GNA14: variants seen among roughly 807,000 people sequenced by gnomAD.
GNA14 encodes the protein G protein subunit alpha 14, also known as guanine nucleotide-binding protein subunit alpha-14.
Under a neutral mutation model 42.0 loss-of-function variants are expected in GNA14, and 50 were observed. The ratio of observed to expected loss-of-function variants is 1.19; its 90% CI spans 0.95 to 1.51. The LOEUF (loss-of-function observed/expected upper bound fraction) is 1.51. Ranked by LOEUF, GNA14 falls within the 40% of genes most tolerant of loss-of-function variation. The pLI, the probability that GNA14 is intolerant of heterozygous loss-of-function variation, is 0.00. For missense variants in GNA14, 473 were observed against 446.2 expected, an observed-to-expected ratio of 1.06 and a Z score of -0.54; for synonymous variants, 173 against 163.1, an observed-to-expected ratio of 1.06 and a Z score of -0.46.
chr9:77,497,630 C>A (rs1327844992), intron 2 of GNA14, among the ~76,000 whole-genome samples: 1 of 151,290 alleles, frequency 6.6e-6, no homozygotes. Context: ...GTGGAGACCA[C>A]GTTCCTGACA....
chr9:77,486,263 C>A (rs1044015519), intron 2 of GNA14, among the ~76,000 whole-genome samples: 1 of 152,162 alleles, frequency 6.6e-6, no homozygotes, highest in Non-Finnish European at 1.5e-5. Flanking sequence ...TCCTCATGAA[C>A]CAACCTCTTC....
At chr9:77,631,458 CT>C (rs1411667664) in intron 1 of GNA14, among the ~76,000 whole-genome samples, 11 of 116,270 alleles carry the variant, frequency 9.5e-5, no homozygotes, top group Non-Finnish European at 8.4e-5. Context: ...AAATATGCCA[CT>C]TTTTATGTAA....
chr9:77,459,400 C>A (rs1836066698), intron 2 of GNA14, among the ~76,000 whole-genome samples: 1 of 152,130 alleles, frequency 6.6e-6, no homozygotes, highest in Admixed American at 6.5e-5. Flanking sequence ...TTCTCCAGTG[C>A]CCTCCTGCCT....
intron 1 of GNA14, among the ~76,000 whole-genome samples, chr9:77,570,922 T>G (rs1823049167): frequency 6.6e-6 from 1 of 152,230 alleles, no homozygotes; most frequent in Non-Finnish European, 1.5e-5. Context: ...ATGTGCATAT[T>G]TAATAGAGTA....
intron 1 of GNA14, among the ~76,000 whole-genome samples, chr9:77,615,955 T>A (rs976397284): frequency 6.6e-6 from 1 of 151,982 alleles, no homozygotes. Flanking sequence ...TGTTGCATTA[T>A]GGTCACTGAA....
chr9:77,437,320 G>A (rs769969526), intron 2 of GNA14, among the ~76,000 whole-genome samples: 7 of 152,138 alleles, frequency 4.6e-5, no homozygotes, highest in Non-Finnish European at 1.0e-4. Flanking sequence ...CGAGGGAGGC[G>A]GATCAACTGA....
At chr9:77,452,567 T>TATGTGTGTG (rs1564018252) in intron 2 of GNA14, among the ~76,000 whole-genome samples, 12 of 6,562 alleles carry the variant, frequency 1.8e-3, no homozygotes, top group Non-Finnish European at 1.9e-3. Flanking sequence ...TGTGTGTGTG[T>TATGTGTGTG]GTGTATGTGC....
Position 77,423,909 on chromosome 9 carries a change from G to T in GNA14, c.*70C>A. ...GGGGCTGGCTCTGGTGATGTCAGAA[G>T]CACTTGCAAATAAAACAAGGAGTTT... On this transcript the variant is annotated 3_prime_UTR_variant, in exon 7 of 7. Transcript: ENST00000341700. The T allele has an allele frequency of 8.8e-7, 1 of 1,135,790 alleles. No homozygotes were observed. Among genetic ancestry groups the T allele is most frequent in the Non-Finnish European group, 1.3e-6 (1 of 792,972 alleles). 70.4% of individuals were successfully genotyped at this position (1,135,790 alleles called of 1,614,324 possible). A position where few individuals can be genotyped will look rare whatever the true frequency, so the allele number is the denominator to read the frequency against.
At chr9:77,616,720 C>T (rs1385206796) in intron 1 of GNA14, among the ~76,000 whole-genome samples, 2 of 152,108 alleles carry the variant, frequency 1.3e-5, no homozygotes, top group Non-Finnish European at 2.9e-5. Context: ...ACATCACTAT[C>T]CAAAGAAAAG....
In GNA14 at chr9:77,619,522, C is replaced by T. The variant is rs183910637; in HGVS notation, c.124+28148G>A. On this transcript the variant is annotated intron_variant, in intron 1 of 6. Coordinates refer to ENST00000341700, the MANE Select transcript of GNA14 (RefSeq NM_004297.4). Reference sequence around the variant, plus strand: ...GGCCGAATGAGATATTTACCAAGGGCAGCAGTAGGGAACAGTAAGAGCAAG... The same window carrying T: ...GGCCGAATGAGATATTTACCAAGGGTAGCAGTAGGGAACAGTAAGAGCAAG... Among the ~76,000 whole-genome samples, 125 of 152,242 alleles carry T rather than the reference C, an allele frequency of 8.2e-4. 1 individual carries two copies. Among genetic ancestry groups the T allele is most frequent in the African/African-American group, 2.9e-3 (121 of 41,542 alleles).
intron 2 of GNA14, among the ~76,000 whole-genome samples, chr9:77,451,345 G>A (rs1231697779): frequency 2.6e-5 from 4 of 152,112 alleles, no homozygotes; most frequent in Non-Finnish European, 5.9e-5. Flanking sequence ...TTGTTGTTGT[G>A]GACATTCTTT....
At position 77,647,735 on chromosome 9, in the gene GNA14, T is replaced by C. The variant is rs758450822; in HGVS notation, c.59A>G (p.Glu20Gly). Reference sequence around the variant, plus strand: ...GTCCCGACGAAGCTGTCGCTCGATCTCCGCGCTGATGCGCTGCGACTCCTT... The same window carrying C: ...GTCCCGACGAAGCTGTCGCTCGATCCCCGCGCTGATGCGCTGCGACTCCTT... Reference protein sequence around the residue: ...EEKESQRISAEIERQLRRDKK... With the variant: ...EEKESQRISAGIERQLRRDKK... The change falls in exon 1 of 7, where the codon GAG becomes GGG. Residue 20 changes from glutamate (E) to glycine (G), a missense_variant. Physicochemically the swap from Glu to Gly is moderately conservative, Grantham distance 98. Transcript: ENST00000341700. The C allele has an allele frequency of 6.2e-7, 1 of 1,609,890 alleles. No individual in the cohort carries two copies. The highest frequency in any genetic ancestry group is 1.7e-5 in the Admixed American group (1 of 59,584).
chr9:77,576,232 TGAAA>T (rs533164500), intron 1 of GNA14, among the ~76,000 whole-genome samples: 3 of 152,064 alleles, frequency 2.0e-5, no homozygotes, highest in Non-Finnish European at 4.4e-5. Flanking sequence ...AGAAAGACGT[TGAAA>T]GAGAGGGTAA....
intron 1 of GNA14, among the ~76,000 whole-genome samples, chr9:77,569,880 C>T (rs1282135523): frequency 6.6e-6 from 1 of 152,100 alleles, no homozygotes. Context: ...AATTCTCCTG[C>T]CTCAGCCTCC....
At chr9:77,436,769 A>G (rs984939336) in intron 2 of GNA14, among the ~76,000 whole-genome samples, 2 of 152,234 alleles carry the variant, frequency 1.3e-5, no homozygotes, top group African/African-American at 4.8e-5. Flanking sequence ...CTTATATCCC[A>G]GAACCTAGTG....
At chr9:77,474,148 G>A (rs899701829) in intron 2 of GNA14, among the ~76,000 whole-genome samples, 5 of 152,096 alleles carry the variant, frequency 3.3e-5, no homozygotes, top group Admixed American at 6.6e-5. Flanking sequence ...AGAAAAAACC[G>A]ATAAGTTGGA....
intron 1 of GNA14, among the ~76,000 whole-genome samples, chr9:77,535,417 G>A (rs535885903): frequency 4.7e-4 from 72 of 152,228 alleles, no homozygotes; most frequent in African/African-American, 1.7e-3. Flanking sequence ...GGTGGCGGGC[G>A]CCTGTAGTCC....
chr9:77,432,073 A>AT (rs139180649), intron 3 of GNA14, among the ~76,000 whole-genome samples: 19,219 of 147,910 alleles, frequency 0.13, 1,381 homozygotes, highest in African/African-American at 0.18. Context: ...CTTAAAACAT[A>AT]TTTTTTTTTT....
intron 1 of GNA14, among the ~76,000 whole-genome samples, chr9:77,597,790 G>A (rs1823490341): frequency 6.6e-6 from 1 of 152,004 alleles, no homozygotes; most frequent in Admixed American, 6.6e-5. Context: ...GCCGGGCATG[G>A]TGGCTAACGC....
Sources: gnomAD v4.1 joint callset for allele counts (sites outside exome capture counted in the v4.1 genomes callset) on GRCh38, gnomAD v4.1.1 for gene constraint, MANE v1.5 for transcripts, NCBI Gene and HGNC (gene_info 2026-07-23, HGNC 2026-07-21) for gene names.